CIT: variants seen among roughly 807,000 people sequenced by gnomAD.
CIT encodes citron rho-interacting serine/threonine kinase, also known as citron Rho-interacting kinase.
A neutral mutation model predicts 272.7 loss-of-function variants in CIT; 79 were observed. The observed-to-expected ratio is 0.29, with a 90% CI of 0.24 to 0.35. CIT has a LOEUF of 0.35. Among genes scored for constraint, CIT ranks in the 10% least tolerant of loss-of-function variants. The pLI, the probability that CIT is intolerant of heterozygous loss-of-function variation, is 1.00. For synonymous variants in CIT, 948 were observed against 995.6 expected, an observed-to-expected ratio of 0.95 and a Z score of 0.90; for missense variants, 1,909 against 2,618.3, an observed-to-expected ratio of 0.73 and a Z score of 5.91.
intron 1 of CIT, among the ~76,000 whole-genome samples, chr12:119,876,674 A>C (rs1046465442): frequency 1.3e-5 from 2 of 152,162 alleles, no homozygotes; most frequent in African/African-American, 4.8e-5. Context: ...TTGACCCAAG[A>C]CTTGAAGACC....
At chr12:119,731,351 C>T (rs1958425412) in intron 26 of CIT, among the ~76,000 whole-genome samples, 1 of 151,186 alleles carries the variant, frequency 6.6e-6, no homozygotes, top group South Asian at 2.1e-4. Context: ...TGGCGCATGC[C>T]TGTAATCCTA....
intron 3 of CIT, among the ~76,000 whole-genome samples, chr12:119,859,257 G>A (rs1950262192): frequency 6.6e-6 from 1 of 152,162 alleles, no homozygotes; most frequent in Non-Finnish European, 1.5e-5. Context: ...GCAGAAAGAT[G>A]CCACACTGAA....
At chr12:119,872,761 T>C (rs1379691944) in intron 2 of CIT, among the ~76,000 whole-genome samples, 1 of 152,168 alleles carries the variant, frequency 6.6e-6, no homozygotes, top group African/African-American at 2.4e-5. Context: ...GGCAAGGCCT[T>C]ACCTACCTCC....
At chr12:119,732,885 A>C (rs1958539074) in intron 26 of CIT, among the ~76,000 whole-genome samples, 1 of 152,222 alleles carries the variant, frequency 6.6e-6, no homozygotes, top group Non-Finnish European at 1.5e-5. Context: ...TGCAGACAGG[A>C]AGTCACGGGG....
At position 119,834,067 on chromosome 12, in the gene CIT, C is replaced by T. The variant is rs558045721; in HGVS notation, c.659+19G>A. The T allele has an allele frequency of 3.5e-5, 55 of 1,590,418 alleles. No individual in the cohort carries two copies. In the East Asian group the frequency reaches 9.4e-4, roughly 27 times the overall value. ...CAGGAAAATCCTCAGCATAAAAATG[C>T]TACCAGAGTCTCACTTACCGATGCA... On this transcript the variant is annotated intron_variant, in intron 6 of 47. Transcript: ENST00000392521.
At chr12:119,815,105 AACACACAC>A (rs3858712) in intron 9 of CIT, among the ~76,000 whole-genome samples, 5,444 of 142,908 alleles carry the variant, frequency 0.038, 319 homozygotes, top group African/African-American at 0.13. Context: ...ACACACACAC[AACACACAC>A]ACACACACAC....
chr12:119,717,834 C>CTTTTTTTTTTTTTTTTTTTTTTT (rs546520444), intron 32 of CIT, among the ~76,000 whole-genome samples: 28 of 70,238 alleles, frequency 4.0e-4, no homozygotes, highest in African/African-American at 1.1e-3. Flanking sequence ...AGACTGACTT[C>CTTTTTTTTTTTTTTTTTTTTTTT]TTTCTTTTTT....
intron 3 of CIT, among the ~76,000 whole-genome samples, chr12:119,862,837 A>G (rs865774560): frequency 5.1e-5 from 7 of 136,080 alleles, no homozygotes; most frequent in Non-Finnish European, 9.1e-5. Flanking sequence ...AAAAAAAAAA[A>G]AAAGAAAAAA....
chr12:119,710,475 C>T lies in CIT; in HGVS notation c.4935+65G>A. ...TAAGAGCAACAAGGCCTCCACAGCC[C>T]TTTCTTTCTTGATGGGGTGTGGCTG... On this transcript the variant is annotated intron_variant, in intron 38 of 47. Coordinates refer to ENST00000392521, the MANE Select transcript of CIT (RefSeq NM_001206999.2). This position sits in a 1 kb window ranked among gnomAD's most constrained non-coding sequence, Gnocchi z 5.6. The T allele has an allele frequency of 2.5e-6, 4 of 1,612,984 alleles. No individual in the cohort carries two copies. The South Asian group carries it at 3.3e-5, about 13-fold the overall frequency.
chr12:119,877,165 CG>C (rs1402732583), intron 1 of CIT, 83 bp downstream of exon 1: 1 of 152,232 alleles, frequency 6.6e-6, no homozygotes, highest in Non-Finnish European at 1.5e-5. Context: ...GAGGGAAACC[CG>C]GGACTTGTAT....
Position 119,710,726 on chromosome 12 carries a change from C to G in CIT, c.4855-106G>C. 1 of 1,084,610 alleles carries G rather than the reference C, an allele frequency of 9.2e-7. No homozygotes were observed. The highest frequency in any genetic ancestry group is 2.4e-5 in the East Asian group (1 of 41,466). The allele number at this position is 1,084,610 out of a possible 1,614,324, so 67.2% of individuals were successfully genotyped here. On this transcript the variant is annotated intron_variant, in intron 37 of 47. Transcript: ENST00000392521. The surrounding 1 kb of genome is among the most constrained non-coding windows in gnomAD (Gnocchi z 5.6). ...AGAGAAGGTTAAGGCCAAGTTATTC[C>G]TGGAAATGCTCAGAAACGCACATAT...
chr12:119,808,178 G>C (rs1337497429), intron 9 of CIT, among the ~76,000 whole-genome samples: 1 of 151,610 alleles, frequency 6.6e-6, no homozygotes, highest in Non-Finnish European at 1.5e-5. Context: ...AAGCTTTTGA[G>C]GGGAAAAAAA....
At chr12:119,771,356 AG>A (rs533682675) in intron 17 of CIT, among the ~76,000 whole-genome samples, 40 of 152,124 alleles carry the variant, frequency 2.6e-4, no homozygotes, top group African/African-American at 8.2e-4. Flanking sequence ...TGAGCTCTGG[AG>A]GGGGGTGGTA....
Position 119,690,900 on chromosome 12 carries a change from G to A in CIT, c.5883-446C>T, listed in dbSNP as rs146676272. On this transcript the variant is annotated intron_variant, in intron 46 of 47. Coordinates refer to ENST00000392521, the MANE Select transcript of CIT (RefSeq NM_001206999.2). This position sits in a 1 kb window ranked among gnomAD's most constrained non-coding sequence, Gnocchi z 6.0. ...TAAAGACCAGTTTGATAGGCCAGGC[G>A]CAGTGGCGCACACCTGTAATCCCAG... Among the ~76,000 whole-genome samples the A allele has an allele frequency of 1.6e-3, 242 of 152,328 alleles. 1 individual carries two copies. Among genetic ancestry groups the A allele is most frequent in the African/African-American group, 5.6e-3 (232 of 41,576 alleles).
intron 46 of CIT, among the ~76,000 whole-genome samples, chr12:119,695,785 CA>C (rs1273753928): frequency 6.7e-6 from 1 of 149,640 alleles, no homozygotes. Flanking sequence ...GACCCTGTCC[CA>C]AAAAAAAAGT....
At chr12:119,835,605 TA>T (rs942081903) in intron 5 of CIT, among the ~76,000 whole-genome samples, 5 of 151,928 alleles carry the variant, frequency 3.3e-5, no homozygotes, top group African/African-American at 1.2e-4. Flanking sequence ...ATATACTTCT[TA>T]AAAAAAACAC....
chr12:119,713,909 T>C lies in CIT; in HGVS notation c.4307-261A>G, dbSNP rs536683796. 5.3e-5 allele frequency: 32 copies of C among 605,476 alleles called. No homozygotes were observed. The highest frequency in any genetic ancestry group is 4.8e-4 in the African/African-American group (26 of 53,990). The allele number at this position is 605,476 out of a possible 1,614,324, so 37.5% of individuals were successfully genotyped here. A position where few individuals can be genotyped will look rare whatever the true frequency, so the allele number is the denominator to read the frequency against. The stretch of plus-strand genomic sequence containing the variant: ...CAGGTGTGTAAAGAACACGTTTGCA[T>C]GTTTCAGTTGGAGTCAGCGGAAAGG... On this transcript the variant is annotated intron_variant, in intron 33 of 47. Transcript: ENST00000392521. This position sits in a 1 kb window ranked among gnomAD's most constrained non-coding sequence, Gnocchi z 5.2.
chr12:119,781,254 A>G (rs537796150), intron 13 of CIT, among the ~76,000 whole-genome samples: 2 of 152,372 alleles, frequency 1.3e-5, no homozygotes, highest in South Asian at 4.1e-4. Flanking sequence ...TTTCCGTCCT[A>G]TGCACGTTTA....
intron 24 of CIT, among the ~76,000 whole-genome samples, chr12:119,740,815 A>G (rs979862250): frequency 1.3e-5 from 2 of 152,186 alleles, no homozygotes; most frequent in East Asian, 1.9e-4. Flanking sequence ...AACTACCAGA[A>G]TGTCACCCCC....
Sources: allele counts gnomAD v4.1 joint callset (sites outside exome capture counted in the v4.1 genomes callset), GRCh38; gene constraint gnomAD v4.1.1; non-coding constraint Gnocchi (gnomAD v3.1); transcripts MANE v1.5; gene names NCBI Gene and HGNC (gene_info 2026-07-23, HGNC 2026-07-21).